The following WDR59 variants were observed in gnomAD, a reference collection of about 807,000 sequenced individuals.
WDR59 encodes WD repeat domain 59.
WDR59 carries 100 observed loss-of-function variants against 131.2 expected under a neutral mutation model. The ratio of observed to expected loss-of-function variants is 0.76; its 90% CI spans 0.65 to 0.90. The LOEUF (loss-of-function observed/expected upper bound fraction) is 0.90, where lower values mean the gene tolerates loss of function less well. Among genes scored for constraint, WDR59 ranks in the 40% least tolerant of loss-of-function variants. The probability of loss-of-function intolerance (pLI) is 0.00; values close to 1 mark genes in which losing one functional copy is unlikely to be tolerated. For synonymous variants in WDR59, 601 were observed against 466.2 expected (o/e 1.29, Z -3.72); for missense variants, 1,203 against 1,262.2 (o/e 0.95, Z 0.71).
chr16:74,936,016 T>C (rs1171822810), intron 8 of WDR59, among the ~76,000 whole-genome samples: 1 of 151,706 alleles, frequency 6.6e-6, no homozygotes, highest in East Asian at 1.9e-4. Context: ...AAAAAAATTG[T>C]CTTCCTTCTA....
At chr16:74,941,659 T>C (rs894523242) in intron 7 of WDR59, among the ~76,000 whole-genome samples, 1 of 148,152 alleles carries the variant, frequency 6.7e-6, no homozygotes, top group Non-Finnish European at 1.5e-5. Context: ...CCCACTGTAC[T>C]CCAGCCTGGA....
intron 17 of WDR59, 29 bp from the exon 18 acceptor site, chr16:74,904,129 C>A (rs1274939117): frequency 3.1e-6 from 5 of 1,599,620 alleles, no homozygotes; most frequent in Non-Finnish European, 3.4e-6. Flanking sequence ...ATTATCCACA[C>A]TGGCTGCAGT....
rs57885889 is a variant in WDR59 at position 74,972,821 on chromosome 16, TAAA to T, written c.55-7002_55-7000del. On this transcript the variant is annotated intron_variant, in intron 1 of 25. Transcript: ENST00000262144. ...TGGGTGACAGAGCAGGACTCTGTCTTAAAAAAAAAAAAAAAAAAAAAAAAAAAA... is the reference window on the plus strand; with the variant it reads ...TGGGTGACAGAGCAGGACTCTGTCTTAAAAAAAAAAAAAAAAAAAAAAAAA... 5.6e-3 allele frequency among the ~76,000 whole-genome samples: 309 copies of T among 55,050 alleles called. 1 individual carries two copies. The highest frequency in any genetic ancestry group is 0.015 in the African/African-American group (286 of 18,708). The allele number at this position is 55,050 out of a possible 152,430, so 36.1% of individuals were successfully genotyped here.
At chr16:74,877,786 C>G (rs2144753232) in intron 25 of WDR59, among the ~76,000 whole-genome samples, 1 of 152,308 alleles carries the variant, frequency 6.6e-6, no homozygotes. Context: ...CTCAGGTGAT[C>G]CACCTGCCTC....
chr16:74,912,533 C>T (rs991106906), intron 13 of WDR59, among the ~76,000 whole-genome samples, 171 bp from the exon 14 acceptor site: 7 of 152,192 alleles, frequency 4.6e-5, no homozygotes, highest in African/African-American at 1.7e-4. Flanking sequence ...CTTAAATTTT[C>T]ATACCAGATT....
chr16:74,942,349 G>A (rs985461587), intron 7 of WDR59, among the ~76,000 whole-genome samples: 10 of 152,114 alleles, frequency 6.6e-5, no homozygotes, highest in Admixed American at 5.9e-4. Flanking sequence ...TTGCAAGCAG[G>A]GGCAGGGATA....
Position 74,887,824 on chromosome 16 carries a change from A to G in WDR59, c.2347-69T>C. The G allele has an allele frequency of 4.7e-6, 7 of 1,496,742 alleles. No individual in the cohort carries two copies. In the South Asian group the frequency reaches 6.8e-5, roughly 15 times the overall value. The allele number at this position is 1,496,742 out of a possible 1,614,324, so 92.7% of individuals were successfully genotyped here. ...ACCATTCCCCATGACAGTTCACATT[A>G]AGAAAACAGCAGGCCAAGCACGGTG... On this transcript the variant is annotated intron_variant, in intron 22 of 25. Coordinates refer to ENST00000262144, the MANE Select transcript of WDR59 (RefSeq NM_030581.4).
intron 25 of WDR59, among the ~76,000 whole-genome samples, chr16:74,885,448 C>CAAAAAAAAAA (rs397855343): frequency 4.8e-5 from 3 of 62,378 alleles, no homozygotes; most frequent in African/African-American, 6.3e-5. Context: ...GATTCCATCT[C>CAAAAAAAAAA]AAAAAAAAAA....
intron 2 of WDR59, among the ~76,000 whole-genome samples, chr16:74,961,943 A>G (rs1305565279): frequency 6.6e-6 from 1 of 152,088 alleles, no homozygotes; most frequent in Non-Finnish European, 1.5e-5. Flanking sequence ...TAAGTCTTTA[A>G]TCCATCTTGA....
rs80108229 is a variant in WDR59, at chr16:74,904,878, G to T, written c.1713-778C>A. On this transcript the variant is annotated intron_variant, in intron 17 of 25. Coordinates refer to ENST00000262144, the MANE Select transcript of WDR59 (RefSeq NM_030581.4). ...ATATGGTCTATTGATGTTCACCAAG[G>T]CATCAATACAAATTCAACAAAGAAA... Among the ~76,000 whole-genome samples the T allele has an allele frequency of 6.0e-3, 910 of 152,256 alleles. 5 individuals carry two copies. Among genetic ancestry groups the T allele is most frequent in the African/African-American group, 0.02 (846 of 41,546 alleles).
intron 18 of WDR59, among the ~76,000 whole-genome samples, chr16:74,902,792 A>G (rs528992966): frequency 9.2e-5 from 14 of 152,312 alleles, no homozygotes; most frequent in African/African-American, 3.4e-4. Context: ...AAAAAGAACC[A>G]ACAATTTTGA....
Position 74,903,959 on chromosome 16 carries a change from G to A in WDR59, c.1854C>T (p.Tyr618=). 1.9e-6 allele frequency: 3 copies of A among 1,608,336 alleles called. No individual in the cohort carries two copies. The highest frequency in any genetic ancestry group is 2.5e-6 in the Non-Finnish European group (3 of 1,178,000). ...EKEQVSISSF[Y]YKERKSRRWK... is the part of the protein sequence containing the mutation. Reference sequence around the variant, plus strand: ...CTCTGGCACTTACCCGCTCCTTGTAGTAGAAGGAGCTGATGGAGACCTGCT... The same window carrying A: ...CTCTGGCACTTACCCGCTCCTTGTAATAGAAGGAGCTGATGGAGACCTGCT... Residue 618 remains tyrosine (Y), a synonymous_variant, in exon 18 of 26, where the codon TAC becomes TAT. Coordinates refer to ENST00000262144, the MANE Select transcript of WDR59 (RefSeq NM_030581.4).
At chr16:74,947,939 A>C (rs1427788373) in intron 6 of WDR59, among the ~76,000 whole-genome samples, 1 of 152,048 alleles carries the variant, frequency 6.6e-6, no homozygotes, top group African/African-American at 2.4e-5. Context: ...GTGTGGTGGC[A>C]GGCGCCTGTA....
At chr16:74,982,113 G>A (rs934033438) in intron 1 of WDR59, among the ~76,000 whole-genome samples, 2 of 148,224 alleles carry the variant, frequency 1.3e-5, no homozygotes, top group African/African-American at 4.9e-5. Context: ...AATGCAAAAT[G>A]AAAGAAATTT....
At chr16:74,918,437 A>G (rs1023736078) in intron 10 of WDR59, among the ~76,000 whole-genome samples, 6 of 152,344 alleles carry the variant, frequency 3.9e-5, no homozygotes, top group African/African-American at 7.2e-5. Context: ...GTCCTTTTAC[A>G]TGCTCTCGAA....
chr16:74,952,726 T>C (rs1015017518), intron 3 of WDR59, among the ~76,000 whole-genome samples: 1 of 151,150 alleles, frequency 6.6e-6, no homozygotes, highest in Non-Finnish European at 1.5e-5. Flanking sequence ...AGATTACTAG[T>C]AGGCTGAAAA....
intron 1 of WDR59, chr16:74,979,212 G>GTCTCAT (rs2034302186): frequency 2.3e-4 from 1 of 4,316 alleles, no homozygotes; most frequent in Non-Finnish European, 1.8e-3. Flanking sequence ...CAGGCGCGGT[G>GTCTCAT]GCAGCATTTT....
intron 18 of WDR59, among the ~76,000 whole-genome samples, chr16:74,902,977 G>T (rs1470036464): frequency 6.6e-6 from 1 of 151,942 alleles, no homozygotes; most frequent in Admixed American, 6.6e-5. Flanking sequence ...AGACTGGTCT[G>T]GTCTCAAACA....
chr16:74,889,586 T>C, intron 21 of WDR59, 117 bp downstream of exon 21: 1 of 733,410 alleles, frequency 1.4e-6, no homozygotes, highest in Non-Finnish European at 2.3e-6. Flanking sequence ...AAGATCCTAC[T>C]CCTTCCTTTC....
Sources: allele counts gnomAD v4.1 joint callset (sites outside exome capture counted in the v4.1 genomes callset), GRCh38; gene constraint gnomAD v4.1.1; transcripts MANE v1.5; gene names NCBI Gene and HGNC (gene_info 2026-07-23, HGNC 2026-07-21).